KDM3B: variants seen among roughly 807,000 people sequenced by gnomAD.
The protein encoded by KDM3B is lysine-specific demethylase 3B.
Under a neutral mutation model 170.0 loss-of-function variants are expected in KDM3B, and 10 were observed. The observed-to-expected ratio is 0.06, with a 90% CI of 0.04 to 0.10. The LOEUF (loss-of-function observed/expected upper bound fraction) is 0.10. Ranked by LOEUF, KDM3B falls within the 10% of genes least tolerant of loss-of-function variation. The pLI is 1.00. For missense variants in KDM3B, 1,394 were observed against 2,195.2 expected (o/e 0.64, Z 7.29); for synonymous variants, 831 against 834.8 (o/e 1.00, Z 0.08).
At position 138,434,384 on chromosome 5, in the gene KDM3B, C is replaced by T. The variant is rs562401524; in HGVS notation, c.5206-1236C>T. On this transcript the variant is annotated intron_variant, in intron 23 of 23. Transcript: ENST00000314358. The stretch of plus-strand genomic sequence containing the variant: ...CCAATATGGCGAAACCCCGTCTCTA[C>T]TAAAAATACAAAAATTAGCCAGGCA... Among the ~76,000 whole-genome samples, 270 of 152,250 alleles carry T rather than the reference C, an allele frequency of 1.8e-3. 2 individuals carry two copies. Among genetic ancestry groups the T allele is most frequent in the African/African-American group, 6.2e-3 (256 of 41,550 alleles).
intron 8 of KDM3B, among the ~76,000 whole-genome samples, chr5:138,392,498 G>A (rs574798699): frequency 1.9e-4 from 29 of 152,344 alleles, no homozygotes; most frequent in Admixed American, 1.7e-3. Context: ...CCCAAAGGAG[G>A]ACTCTTGATC....
intron 8 of KDM3B, 150 bp downstream of exon 8, chr5:138,392,411 G>A (rs773551923): frequency 9.2e-6 from 7 of 758,388 alleles, no homozygotes; most frequent in South Asian, 4.6e-5. Context: ...GAGGCCCCTC[G>A]TCAGGCCTGG....
chr5:138,424,302 C>T lies in KDM3B; in HGVS notation c.4200C>T (p.Asn1400=). The change falls in exon 16 of 24, where the codon AAC becomes AAT. Residue 1400 remains asparagine, a synonymous_variant. Transcript: ENST00000314358. ...LLCLHDPSNK[N]NWKIFRECWK... ...GTCTCCATGACCCCAGCAACAAAAA[C>T]AATTGGAAGATCTTCCGGGAGTGTT... 6.2e-7 allele frequency: 1 copy of T among 1,614,072 alleles called. No individual in the cohort carries two copies. Among genetic ancestry groups the T allele is most frequent in the South Asian group, 1.1e-5 (1 of 91,084 alleles).
intron 1 of KDM3B, among the ~76,000 whole-genome samples, chr5:138,365,262 C>A (rs78119105): frequency 0.027 from 4,151 of 151,346 alleles, 84 homozygotes; most frequent in Middle Eastern, 0.037. Flanking sequence ...TCTTTTTTTT[C>A]TTTCTTTCTT....
intron 1 of KDM3B, among the ~76,000 whole-genome samples, chr5:138,368,321 C>T (rs1580882133): frequency 6.6e-6 from 1 of 150,778 alleles, no homozygotes; most frequent in East Asian, 2.0e-4. Flanking sequence ...CAGCCTTGAA[C>T]TCCTTGGCCC....
intron 18 of KDM3B, 40 bp downstream of exon 18, chr5:138,427,105 C>G: frequency 6.2e-7 from 1 of 1,608,774 alleles, no homozygotes; most frequent in Non-Finnish European, 8.5e-7. Flanking sequence ...GAAGCCATCA[C>G]AAAGTAATCA....
At chr5:138,417,403 A>C in intron 12 of KDM3B, 80 bp from the exon 13 acceptor site, 1 of 1,369,758 alleles carries the variant, frequency 7.3e-7, no homozygotes, top group Non-Finnish European at 1.0e-6. Flanking sequence ...GAGGGAGATA[A>C]TGTAAAGAAC....
intron 11 of KDM3B, among the ~76,000 whole-genome samples, chr5:138,408,363 T>C (rs1328656650): frequency 6.7e-6 from 1 of 149,320 alleles, no homozygotes; most frequent in Non-Finnish European, 1.5e-5. Flanking sequence ...CTTTTTTTCC[T>C]ATTAAACCTT....
chr5:138,420,146 C>T (rs1763236070), intron 14 of KDM3B, among the ~76,000 whole-genome samples: 1 of 152,184 alleles, frequency 6.6e-6, no homozygotes, highest in South Asian at 2.1e-4. Flanking sequence ...CCTCGGCCTC[C>T]CAAAGTGCTG....
chr5:138,413,156 C>A (rs1763016579), intron 11 of KDM3B, among the ~76,000 whole-genome samples: 1 of 152,064 alleles, frequency 6.6e-6, no homozygotes, highest in Non-Finnish European at 1.5e-5. Flanking sequence ...GAGGCCGACG[C>A]GGGTGGATCA....
At chr5:138,430,120 C>A in intron 21 of KDM3B, 129 bp from the exon 22 acceptor site, 1 of 1,354,378 alleles carries the variant, frequency 7.4e-7, no homozygotes, top group Non-Finnish European at 1.0e-6. Flanking sequence ...TGAATCCACA[C>A]CTAGAGGATG....
chr5:138,361,745 T>A (rs754678672), intron 1 of KDM3B, among the ~76,000 whole-genome samples: 4 of 152,220 alleles, frequency 2.6e-5, no homozygotes, highest in African/African-American at 9.6e-5. Context: ...TTCAGGCCCA[T>A]GCATCCTAGG....
At chr5:138,406,571 G>A (rs1232495708) in intron 11 of KDM3B, among the ~76,000 whole-genome samples, 1 of 152,138 alleles carries the variant, frequency 6.6e-6, no homozygotes. Flanking sequence ...CACTTAGGTG[G>A]AGGTTGCAGT....
intron 5 of KDM3B, 97 bp downstream of exon 5, chr5:138,379,805 T>C (rs1762083452): frequency 2.4e-6 from 3 of 1,227,276 alleles, no homozygotes; most frequent in Non-Finnish European, 3.4e-6. Flanking sequence ...ATGACTTGGG[T>C]TTCATCCCTG....
chr5:138,369,561 C>A (rs1489947456), intron 1 of KDM3B, among the ~76,000 whole-genome samples: 3 of 152,194 alleles, frequency 2.0e-5, no homozygotes, highest in African/African-American at 7.2e-5. Context: ...AATCTTTTAT[C>A]CAAGTGTTCA....
Position 138,425,598 on chromosome 5 carries a change from A to T in KDM3B, c.4411+16A>T. 1 of 1,610,202 alleles carries T rather than the reference A, an allele frequency of 6.2e-7. No homozygotes were observed. The highest frequency in any genetic ancestry group is 1.1e-5 in the South Asian group (1 of 90,686). Reference sequence around the variant, plus strand: ...ATCATATGCAGTAAGTAGCTTTCATATCTAGTTCAGTGATAGCAGACTGGA... The same window carrying T: ...ATCATATGCAGTAAGTAGCTTTCATTTCTAGTTCAGTGATAGCAGACTGGA... On this transcript the variant is annotated intron_variant, in intron 17 of 23. Coordinates refer to ENST00000314358, the MANE Select transcript of KDM3B (RefSeq NM_016604.4).
intron 8 of KDM3B, among the ~76,000 whole-genome samples, chr5:138,392,606 GGTT>G (rs1762462833): frequency 6.6e-6 from 1 of 152,104 alleles, no homozygotes; most frequent in Non-Finnish European, 1.5e-5. Flanking sequence ...ACTTCAGAGG[GGTT>G]ACTGGGAACT....
intron 7 of KDM3B, among the ~76,000 whole-genome samples, chr5:138,388,332 T>A (rs972609018): frequency 6.6e-6 from 1 of 151,876 alleles, no homozygotes; most frequent in African/African-American, 2.4e-5. Flanking sequence ...AGGATATGAT[T>A]TAAAAGTATA....
At chr5:138,393,018 C>T (rs1762471636) in intron 8 of KDM3B, among the ~76,000 whole-genome samples, 153 bp from the exon 9 acceptor site, 1 of 152,232 alleles carries the variant, frequency 6.6e-6, no homozygotes, top group South Asian at 2.1e-4. Flanking sequence ...CTTGCTTTCC[C>T]TTCCTGTCAA....
Sources: gnomAD v4.1 joint callset for allele counts (sites outside exome capture counted in the v4.1 genomes callset) on GRCh38, gnomAD v4.1.1 for gene constraint, MANE v1.5 for transcripts, NCBI Gene and HGNC (gene_info 2026-07-23, HGNC 2026-07-21) for gene names.